TRAF3IP1: variants seen among roughly 807,000 people sequenced by gnomAD.
TRAF3IP1 encodes intraflagellar transport 54.
Under a neutral mutation model 89.9 loss-of-function variants are expected in TRAF3IP1, and 53 were observed. The observed-to-expected ratio is 0.59, with a 90% CI of 0.47 to 0.74. TRAF3IP1 has a LOEUF of 0.74. Among genes scored for constraint, TRAF3IP1 ranks in the 30% least tolerant of loss-of-function variants. The pLI, the probability that TRAF3IP1 is intolerant of heterozygous loss-of-function variation, is 0.00. For synonymous variants in TRAF3IP1, 311 were observed against 322.1 expected (o/e 0.97, Z 0.37); for missense variants, 806 against 866.1 (o/e 0.93, Z 0.87).
At chr2:238,334,570 GGC>G (rs1465846391) in intron 7 of TRAF3IP1, among the ~76,000 whole-genome samples, 2 of 152,200 alleles carry the variant, frequency 1.3e-5, no homozygotes, top group Non-Finnish European at 2.9e-5. Context: ...CCCTGTTGGA[GGC>G]CACTGGCATT....
rs10527993 is a variant in TRAF3IP1, at chr2:238,351,834, G to GGTGTGTGTGTGTGTGTGTGTGTGTGTGT, written c.1452-987_1452-960dup. ...TGGCACTGAAGCAAGGGAGGATTTT[G>GGTGTGTGTGTGTGTGTGTGTGTGTGTGT]GTGTGTGTGTGTGTGTGTGTGTGTG... On this transcript the variant is annotated intron_variant, in intron 12 of 16. Coordinates refer to ENST00000373327, the MANE Select transcript of TRAF3IP1 (RefSeq NM_015650.4). The surrounding 1 kb of genome is among the most constrained non-coding windows in gnomAD (Gnocchi z 5.2). Among the ~76,000 whole-genome samples the GGTGTGTGTGTGTGTGTGTGTGTGTGTGT allele has an allele frequency of 5.0e-5, 7 of 140,866 alleles. No individual in the cohort carries two copies. Among genetic ancestry groups the GGTGTGTGTGTGTGTGTGTGTGTGTGTGT allele is most frequent in the African/African-American group, 1.8e-4 (7 of 37,912 alleles). The allele number at this position is 140,866 out of a possible 152,430, so 92.4% of individuals were successfully genotyped here. A position where few individuals can be genotyped will look rare whatever the true frequency, so the allele number is the denominator to read the frequency against.
At chr2:238,391,505 G>A (rs751124657) in intron 15 of TRAF3IP1, among the ~76,000 whole-genome samples, 3 of 152,214 alleles carry the variant, frequency 2.0e-5, no homozygotes, top group Non-Finnish European at 4.4e-5. Flanking sequence ...ATGAAAGCTT[G>A]AAAATTGCCA....
chr2:238,337,101 C>T (rs1026990114), intron 7 of TRAF3IP1, among the ~76,000 whole-genome samples: 7 of 152,090 alleles, frequency 4.6e-5, no homozygotes, highest in Admixed American at 6.6e-5. Flanking sequence ...GGATTTCCTA[C>T]CCTGAGTCAA....
chr2:238,356,989 A>G (rs2106332607), intron 15 of TRAF3IP1, among the ~76,000 whole-genome samples: 2 of 152,282 alleles, frequency 1.3e-5, no homozygotes, highest in Middle Eastern at 3.4e-3. Flanking sequence ...CGTGTTAGCC[A>G]GGATGGTCTC....
At position 238,332,890 on chromosome 2, in the gene TRAF3IP1, A is replaced by G; in HGVS notation, c.982A>G (p.Thr328Ala). Reference protein sequence around the residue: ...DGTFKDSKAETETEISTRASK... With the variant: ...DGTFKDSKAEAETEISTRASK... ...AACTTTTAAAGACTCCAAGGCTGAAACAGAGGTAAACTTTAAAAAATAACT... is the reference window on the plus strand; with the variant it reads ...AACTTTTAAAGACTCCAAGGCTGAAGCAGAGGTAAACTTTAAAAAATAACT... Residue 328 changes from threonine to alanine, a missense_variant, in exon 6 of 17, where the codon ACA (threonine) becomes GCA (alanine). By Grantham distance (58) the Thr-to-Ala change is moderately conservative. Around this residue, in one of 3 missense-constraint regions of TRAF3IP1, gnomAD observed 732 missense variants for 780.5 expected, o/e 0.94. Coordinates refer to ENST00000373327, the MANE Select transcript of TRAF3IP1 (RefSeq NM_015650.4). The G allele has an allele frequency of 1.2e-6, 2 of 1,609,928 alleles. No individual in the cohort carries two copies. Among genetic ancestry groups the G allele is most frequent in the Non-Finnish European group, 1.7e-6 (2 of 1,176,492 alleles).
chr2:238,328,937 C>G lies in TRAF3IP1; in HGVS notation c.510C>G (p.Asp170Glu), dbSNP rs140534535. 1 of 1,554,708 alleles carries G rather than the reference C, an allele frequency of 6.4e-7. No individual in the cohort carries two copies. Among genetic ancestry groups the G allele is most frequent in the African/African-American group, 1.4e-5 (1 of 71,596 alleles). ...TTTTTATTTCGTAGGATAGAGGAGACGCTGAAATAAAAGAGAGAAGTACAA... is the reference window on the plus strand; with the variant it reads ...TTTTTATTTCGTAGGATAGAGGAGAGGCTGAAATAAAAGAGAGAAGTACAA... ...RVHKNTEDRG[D>E]AEIKERSTSR... The change falls in exon 5 of 17, where the codon GAC becomes GAG. Residue 170 changes from aspartate to glutamate, a missense_variant. This residue lies in a region of TRAF3IP1 where 732 missense variants were observed against 780.5 expected (regional missense o/e 0.94). Coordinates refer to ENST00000373327, the MANE Select transcript of TRAF3IP1 (RefSeq NM_015650.4).
At chr2:238,324,572 CTG>C (rs1242630822) in intron 1 of TRAF3IP1, among the ~76,000 whole-genome samples, 1 of 152,098 alleles carries the variant, frequency 6.6e-6, no homozygotes, top group Non-Finnish European at 1.5e-5. Context: ...GCAGGGGACT[CTG>C]TGGGTCCTGG....
chr2:238,364,653 T>TAA (rs1369468811), intron 15 of TRAF3IP1, among the ~76,000 whole-genome samples: 2 of 152,148 alleles, frequency 1.3e-5, no homozygotes, highest in Non-Finnish European at 2.9e-5. Flanking sequence ...TAATTATTAA[T>TAA]AAATATGATT....
At chr2:238,369,260 A>G (rs2106348388) in intron 15 of TRAF3IP1, among the ~76,000 whole-genome samples, 1 of 152,338 alleles carries the variant, frequency 6.6e-6, no homozygotes, top group Middle Eastern at 3.4e-3. Context: ...TAGCTTTCTA[A>G]GAAAAGCGGG....
intron 5 of TRAF3IP1, among the ~76,000 whole-genome samples, chr2:238,330,053 C>T (rs1574896073): frequency 6.6e-6 from 1 of 152,148 alleles, no homozygotes; most frequent in South Asian, 2.1e-4. Flanking sequence ...TTGCTTCTCC[C>T]GTGCGTGTCG....
chr2:238,344,585 A>G lies in TRAF3IP1; in HGVS notation c.1248A>G (p.Thr416=). The G allele has an allele frequency of 6.2e-7, 1 of 1,614,106 alleles. No individual in the cohort carries two copies. The highest frequency in any genetic ancestry group is 8.5e-7 in the Non-Finnish European group (1 of 1,179,940). The change falls in exon 9 of 17, where the codon ACA becomes ACG. Residue 416 remains threonine (T), a synonymous_variant. Transcript: ENST00000373327. ...LRCENIQPNP[T]EKQKGDSTSD... The stretch of plus-strand genomic sequence containing the variant: ...GTGAGAATATTCAGCCCAACCCCAC[A>G]GAGAAGCAGAAAGGTAAGAATGGTC...
intron 1 of TRAF3IP1, among the ~76,000 whole-genome samples, chr2:238,323,955 A>G (rs1371034163): frequency 4.6e-5 from 7 of 152,208 alleles, no homozygotes; most frequent in Non-Finnish European, 7.3e-5. Flanking sequence ...GAACCAAAGC[A>G]GTGAGGTGTG....
chr2:238,381,145 T>A (rs59390345), intron 15 of TRAF3IP1, among the ~76,000 whole-genome samples: 52,199 of 145,778 alleles, frequency 0.36, 9,434 homozygotes, highest in Non-Finnish European at 0.37. Flanking sequence ...TTATTTATTT[T>A]TTTTTTTTTC....
intron 15 of TRAF3IP1, among the ~76,000 whole-genome samples, chr2:238,373,598 A>T (rs970320951): frequency 2.0e-5 from 3 of 152,128 alleles, no homozygotes; most frequent in Non-Finnish European, 4.4e-5. Flanking sequence ...TTTGCTTAGG[A>T]TCGTCTTGGC....
At chr2:238,349,710 G>A (rs1699059953) in intron 12 of TRAF3IP1, among the ~76,000 whole-genome samples, 2 of 152,044 alleles carry the variant, frequency 1.3e-5, no homozygotes, top group Admixed American at 6.5e-5. Context: ...AGGGGAATTA[G>A]GAAAAAATAG....
chr2:238,398,786 C>G lies in TRAF3IP1; in HGVS notation c.1943C>G (p.Ala648Gly). 6.2e-7 allele frequency: 1 copy of G among 1,611,236 alleles called. No homozygotes were observed. The highest frequency in any genetic ancestry group is 8.5e-7 in the Non-Finnish European group (1 of 1,179,144). ...ITDCAVEPLK[A>G]ELAELEQLIK... ...GACTGTGCCGTGGAGCCCTTAAAGG[C>G]TGAGCTCGCGGAGCTGGAGCAGCTG... The change falls in exon 17 of 17, where the codon GCT becomes GGT. Residue 648 changes from alanine to glycine, a missense_variant. Ala to Gly is a moderately conservative substitution (Grantham distance 60). Coordinates refer to ENST00000373327, the MANE Select transcript of TRAF3IP1 (RefSeq NM_015650.4).
rs370097041 is a variant in TRAF3IP1 at position 238,320,777 on chromosome 2, A to G, written c.115A>G (p.Ile39Val). The G allele has an allele frequency of 7.8e-5, 110 of 1,417,300 alleles. No homozygotes were observed. In the African/African-American group the frequency reaches 1.4e-3, roughly 18 times the overall value. 87.8% of individuals were successfully genotyped at this position (1,417,300 alleles called of 1,614,324 possible). A position where few individuals can be genotyped will look rare whatever the true frequency, so the allele number is the denominator to read the frequency against. Residue 39 changes from isoleucine to valine, a missense_variant, in exon 1 of 17, where the codon ATC (isoleucine) becomes GTC (valine). Ile to Val is a conservative substitution (Grantham distance 29). Around this residue, in one of 3 missense-constraint regions of TRAF3IP1, gnomAD observed 732 missense variants for 780.5 expected, o/e 0.94. Transcript: ENST00000373327. ...KPPFRYLHDI[I>V]TEVIRMTGFM... The stretch of plus-strand genomic sequence containing the variant: ...CCCGTTCCGCTACCTGCACGACATC[A>G]TCACGGAGGTGGGCGCCGGGGACCG...
rs374691199 is a variant in TRAF3IP1, at chr2:238,353,259, G to A, written c.1612+50G>A. The A allele has an allele frequency of 2.2e-4, 354 of 1,601,484 alleles. 7 individuals are homozygous for A. The South Asian group carries it at 3.2e-3, about 14-fold the overall frequency. ...TGTATGTCCATGTGTGTGTGCTCATGCACCTTCTCCACGTGGGCCTGGAAG... is the reference window on the plus strand; with the variant it reads ...TGTATGTCCATGTGTGTGTGCTCATACACCTTCTCCACGTGGGCCTGGAAG... On this transcript the variant is annotated intron_variant, in intron 14 of 16. Coordinates refer to ENST00000373327, the MANE Select transcript of TRAF3IP1 (RefSeq NM_015650.4).
In TRAF3IP1 at chr2:238,344,523, A is replaced by G. The variant is rs1698801280; in HGVS notation, c.1186A>G (p.Thr396Ala). The change falls in exon 9 of 17, where the codon ACT (threonine) becomes GCT (alanine). Residue 396 changes from threonine (T) to alanine (A), a missense_variant. Physicochemically the swap from Thr to Ala is moderately conservative, Grantham distance 58. Coordinates refer to ENST00000373327, the MANE Select transcript of TRAF3IP1 (RefSeq NM_015650.4). Reference protein sequence around the residue: ...IGTKEANINSTSISDDNSASL... With the variant: ...IGTKEANINSASISDDNSASL... Reference sequence around the variant, plus strand: ...AACAAAAGAAGCTAATATTAACTCAACTAGTATTTCAGATGATAATTCAGC... The same window carrying G: ...AACAAAAGAAGCTAATATTAACTCAGCTAGTATTTCAGATGATAATTCAGC... 6.2e-7 allele frequency: 1 copy of G among 1,614,146 alleles called. No individual in the cohort carries two copies. The highest frequency in any genetic ancestry group is 8.5e-7 in the Non-Finnish European group (1 of 1,180,004).
Sources: allele counts gnomAD v4.1 joint callset (sites outside exome capture counted in the v4.1 genomes callset), GRCh38; gene constraint gnomAD v4.1.1; regional missense constraint gnomAD v4.1.1; non-coding constraint Gnocchi (gnomAD v3.1); transcripts MANE v1.5; gene names NCBI Gene and HGNC (gene_info 2026-07-23, HGNC 2026-07-21).